ACSS2: variants seen among roughly 807,000 people sequenced by gnomAD.
ACSS2 encodes acetyl-coenzyme A synthetase, cytoplasmic.
ACSS2 carries 58 observed loss-of-function variants against 90.6 expected under a neutral mutation model. The ratio of observed to expected loss-of-function variants is 0.64; its 90% CI spans 0.52 to 0.80. The LOEUF (loss-of-function observed/expected upper bound fraction) is 0.80. ACSS2 is among the 30% of genes least tolerant of loss of function. The probability of loss-of-function intolerance (pLI) is 0.00; values close to 1 mark genes in which losing one functional copy is unlikely to be tolerated. For synonymous variants in ACSS2, 300 were observed against 330.9 expected, an observed-to-expected ratio of 0.91 and a Z score of 1.01; for missense variants, 759 against 912.0, an observed-to-expected ratio of 0.83 and a Z score of 2.16.
chr20:34,902,140 G>A (rs1175965566), intron 2 of ACSS2, among the ~76,000 whole-genome samples: 5 of 151,890 alleles, frequency 3.3e-5, no homozygotes, highest in Non-Finnish European at 7.4e-5. Context: ...CATTCATTCA[G>A]CAAAAATTTA....
At chr20:34,879,008 C>T (rs981835100) in intron 1 of ACSS2, among the ~76,000 whole-genome samples, 2 of 150,878 alleles carry the variant, frequency 1.3e-5, no homozygotes, top group Admixed American at 6.6e-5. Flanking sequence ...GGGTTCACGC[C>T]ATTCTCCTGC....
intron 2 of ACSS2, among the ~76,000 whole-genome samples, chr20:34,896,424 C>T (rs1158651811): frequency 6.6e-6 from 1 of 152,182 alleles, no homozygotes; most frequent in African/African-American, 2.4e-5. Flanking sequence ...CTTGTCTTTC[C>T]TCTGCCTGTC....
At chr20:34,908,366 C>T (rs2064454) in intron 2 of ACSS2, among the ~76,000 whole-genome samples, 102,912 of 152,062 alleles carry the variant, frequency 0.68, 36,709 homozygotes, top group African/African-American at 0.91. Flanking sequence ...TCTAGCCATA[C>T]TGTCTTTCTT....
chr20:34,893,525 A>T (rs986279315), intron 2 of ACSS2: 1 of 147,386 alleles, frequency 6.8e-6, no homozygotes, highest in Non-Finnish European at 1.5e-5. Context: ...GGCACACACC[A>T]CCATGCCCAG....
In ACSS2 at chr20:34,921,141, T is replaced by A; in HGVS notation, c.1277+2T>A. 1 of 1,614,096 alleles carries A rather than the reference T, an allele frequency of 6.2e-7. No individual in the cohort carries two copies. Among genetic ancestry groups the A allele is most frequent in the Admixed American group, 1.7e-5 (1 of 60,020 alleles). ...GTTTGGAGATGAGCCTGTCACCAAG[T>A]GAGACCTCTTCCCAGTTGCTGCCCT... On this transcript the variant is annotated splice_donor_variant, in intron 10 of 17. Coordinates refer to ENST00000360596, the MANE Select transcript of ACSS2 (RefSeq NM_018677.4). LOFTEE classifies it high-confidence loss of function.
At chr20:34,909,370 A>AAAC (rs965273475) in intron 2 of ACSS2, among the ~76,000 whole-genome samples, 9 of 152,116 alleles carry the variant, frequency 5.9e-5, no homozygotes, top group Non-Finnish European at 5.9e-5. Context: ...CCTGTCTCAA[A>AAAC]AACAACAACA....
At chr20:34,905,316 A>C (rs1350363477) in intron 2 of ACSS2, among the ~76,000 whole-genome samples, 2 of 150,246 alleles carry the variant, frequency 1.3e-5, no homozygotes, top group Admixed American at 6.6e-5. Flanking sequence ...GCTGGAGTGC[A>C]GAGTGCAGTG....
chr20:34,914,584 G>A, intron 7 of ACSS2, 147 bp downstream of exon 7: 1 of 703,688 alleles, frequency 1.4e-6, no homozygotes, highest in South Asian at 2.0e-5. Flanking sequence ...AGCAGGGCTA[G>A]GTGGGAACTG....
At chr20:34,885,025 C>T (rs755392981) in intron 2 of ACSS2, among the ~76,000 whole-genome samples, 12 of 151,992 alleles carry the variant, frequency 7.9e-5, no homozygotes, top group Non-Finnish European at 1.6e-4. Flanking sequence ...CATGGCAAAA[C>T]TCCCTCTCTA....
intron 16 of ACSS2, 141 bp from the exon 17 acceptor site, chr20:34,926,736 G>A: frequency 1.3e-6 from 1 of 741,724 alleles, no homozygotes; most frequent in South Asian, 1.7e-5. Flanking sequence ...TTGAGAGCAA[G>A]AGAAGCAGTG....
At chr20:34,906,023 T>C (rs143001466) in intron 2 of ACSS2, among the ~76,000 whole-genome samples, 3 of 152,270 alleles carry the variant, frequency 2.0e-5, no homozygotes, top group East Asian at 3.9e-4. Context: ...AGAGACTAAA[T>C]TGGATGTTCT....
chr20:34,917,367 G>A (rs534025151), intron 7 of ACSS2, among the ~76,000 whole-genome samples: 6 of 152,300 alleles, frequency 3.9e-5, no homozygotes, highest in Non-Finnish European at 7.4e-5. Flanking sequence ...TTTTCTAACC[G>A]TAGGCAGCTT....
intron 2 of ACSS2, among the ~76,000 whole-genome samples, chr20:34,891,567 G>C (rs1490059139): frequency 6.6e-6 from 1 of 152,168 alleles, no homozygotes; most frequent in Non-Finnish European, 1.5e-5. Context: ...AGGGGCTGAG[G>C]AAGGAGTCTG....
chr20:34,914,010 C>A, intron 5 of ACSS2, 86 bp from the exon 6 acceptor site: 9 of 1,474,180 alleles, frequency 6.1e-6, no homozygotes, highest in Non-Finnish European at 8.5e-6. Flanking sequence ...AGTTAAGAGG[C>A]CTACTCAGGA....
chr20:34,921,497 A>G, intron 11 of ACSS2, 35 bp downstream of exon 11: 1 of 1,614,162 alleles, frequency 6.2e-7, no homozygotes, highest in Non-Finnish European at 8.5e-7. Flanking sequence ...GGGCCCAGGG[A>G]CAATGTGGGA....
chr20:34,915,179 AC>A, intron 7 of ACSS2: 2 of 1,612,292 alleles, frequency 1.2e-6, no homozygotes, highest in Non-Finnish European at 1.7e-6. Context: ...GTATACTTGG[AC>A]CCTCCTCACT....
At chr20:34,913,208 A>G (rs1237998012) in intron 3 of ACSS2, 21 bp downstream of exon 3, 3 of 1,612,190 alleles carry the variant, frequency 1.9e-6, no homozygotes, top group African/African-American at 2.7e-5. Context: ...GGGTGTGGGA[A>G]AGGACTGGGG....
rs1339810045 is a variant in ACSS2 at position 34,921,862 on chromosome 20, A to T, written c.1544A>T (p.Tyr515Phe). The change falls in exon 13 of 18, where the codon TAT becomes TTT. Residue 515 changes from tyrosine (Y) to phenylalanine (F), a missense_variant. Transcript: ENST00000360596. The stretch of plus-strand genomic sequence containing the variant: ...GAGTTGGAAGGTGAAGCTGAAGGTT[A>T]TCTGGTGAGGCCCTGGCCCTTGGGA... ...GEELEGEAEG[Y>F]LVFKQPWPGI... 2 of 1,613,782 alleles carry T rather than the reference A, an allele frequency of 1.2e-6. No individual in the cohort carries two copies. Among genetic ancestry groups the T allele is most frequent in the Admixed American group, 3.3e-5 (2 of 59,930 alleles).
intron 13 of ACSS2, 26 bp from the exon 14 acceptor site, chr20:34,923,297 A>T: frequency 6.6e-7 from 1 of 1,517,178 alleles, no homozygotes; most frequent in Non-Finnish European, 9.2e-7. Flanking sequence ...AGCAAATGTG[A>T]TCACTGTCCC....
Sources: gnomAD v4.1 joint callset for allele counts (sites outside exome capture counted in the v4.1 genomes callset) on GRCh38, gnomAD v4.1.1 for gene constraint, MANE v1.5 for transcripts, NCBI Gene and HGNC (gene_info 2026-07-23, HGNC 2026-07-21) for gene names.